The following HDAC9 variants were observed in gnomAD, a reference collection of about 807,000 sequenced individuals.
HDAC9 encodes the protein MEF-2 interacting transcription repressor (MITR) protein.
In HDAC9, 41 loss-of-function variants were observed where a neutral mutation model predicts 139.4. The ratio of observed to expected loss-of-function variants is 0.29; its 90% CI spans 0.23 to 0.38. HDAC9 has a LOEUF of 0.38. Ranked by LOEUF, HDAC9 falls within the 10% of genes least tolerant of loss-of-function variation. The pLI is 1.00. For synonymous variants in HDAC9, 517 were observed against 476.2 expected, an observed-to-expected ratio of 1.09 and a Z score of -1.12; for missense variants, 1,147 against 1,297.0, an observed-to-expected ratio of 0.88 and a Z score of 1.78.
intron 1 of HDAC9, among the ~76,000 whole-genome samples, chr7:18,419,762 A>C (rs1387653491): frequency 6.6e-6 from 1 of 152,144 alleles, no homozygotes; most frequent in Non-Finnish European, 1.5e-5. Context: ...TTTGCTTAAG[A>C]TCTCCTAAAA....
At chr7:18,950,940 C>T (rs1585391093) in intron 23 of HDAC9, among the ~76,000 whole-genome samples, 1 of 152,114 alleles carries the variant, frequency 6.6e-6, no homozygotes, top group African/African-American at 2.4e-5. Flanking sequence ...CATCCATCCT[C>T]ACACACCTGT....
intron 1 of HDAC9, among the ~76,000 whole-genome samples, chr7:18,298,552 A>G (rs539728425): frequency 6.6e-5 from 10 of 151,816 alleles, no homozygotes; most frequent in African/African-American, 1.9e-4. Flanking sequence ...TTTTGTTCTT[A>G]TGATAGTTTA....
At chr7:18,204,950 C>CA (rs889855033) in intron 2 of HDAC9, among the ~76,000 whole-genome samples, 1 of 151,678 alleles carries the variant, frequency 6.6e-6, no homozygotes, top group Non-Finnish European at 1.5e-5. Flanking sequence ...TGTCATCTTT[C>CA]AAAAAAATAT....
chr7:18,278,289 C>A (rs1392549994), intron 2 of HDAC9, among the ~76,000 whole-genome samples: 2 of 152,118 alleles, frequency 1.3e-5, no homozygotes, highest in African/African-American at 4.8e-5. Flanking sequence ...CTAGAGTCTG[C>A]CTAAACAGTT....
intron 1 of HDAC9, among the ~76,000 whole-genome samples, chr7:18,438,026 T>G (rs1791376629): frequency 6.6e-6 from 1 of 151,496 alleles, no homozygotes; most frequent in Non-Finnish European, 1.5e-5. Flanking sequence ...CTTGGACATC[T>G]TTATAACATG....
upstream of HDAC9, among the ~76,000 whole-genome samples, chr7:18,493,074 T>A (rs575547108): frequency 1.3e-5 from 2 of 152,014 alleles, no homozygotes; most frequent in Non-Finnish European, 2.9e-5. Context: ...TTATGTGGAA[T>A]GCCCTTTCCT....
rs571474604 is a variant in HDAC9 at position 18,927,313 on chromosome 7, G to C, written c.2804-8496G>C. 3.0e-4 allele frequency among the ~76,000 whole-genome samples: 46 copies of C among 152,218 alleles called. 2 individuals carry two copies. In the South Asian group the frequency reaches 9.5e-3, roughly 32 times the overall value. ...TCTTAAAAAGGTATTTCTGTGGAAA[G>C]CATTCCTCCCATCTGCAACAATCAG... On this transcript the variant is annotated intron_variant, in intron 22 of 25. Transcript: ENST00000686413.
chr7:18,279,726 A>G (rs911312523), intron 2 of HDAC9, among the ~76,000 whole-genome samples: 2 of 152,062 alleles, frequency 1.3e-5, no homozygotes, highest in African/African-American at 2.4e-5. Context: ...GACCCCCCAA[A>G]GTACTGGGAT....
exon 2 of HDAC9, chr7:18,162,312 C>G (rs1341442470): frequency 6.5e-7 from 1 of 1,535,074 alleles, no homozygotes; most frequent in South Asian, 1.2e-5. Flanking sequence ...TCTTAGCAGT[C>G]CCTCTGATTC....
rs755762435 is a variant in HDAC9 at position 18,999,948 on chromosome 7, A to G, written c.*3886A>G. The G allele has an allele frequency of 2.6e-5, 4 of 152,198 alleles. No homozygotes were observed. The South Asian group carries it at 8.3e-4, about 31-fold the overall frequency. 9.4% of individuals were successfully genotyped at this position (152,198 alleles called of 1,614,324 possible). ...GACTCTGTCAGTGTTTGACATTGTC[A>G]TTTCTAGTGGCATGTATCTTAACAT... On this transcript the variant is annotated 3_prime_UTR_variant, in exon 26 of 26. Transcript: ENST00000686413.
At chr7:18,845,443 G>A (rs1285786460) in intron 21 of HDAC9, among the ~76,000 whole-genome samples, 1 of 152,056 alleles carries the variant, frequency 6.6e-6, no homozygotes, top group Non-Finnish European at 1.5e-5. Context: ...TAATAACTTT[G>A]GAGAATTGTA....
At chr7:18,425,703 C>G (rs1161236638) in intron 1 of HDAC9, among the ~76,000 whole-genome samples, 2 of 152,160 alleles carry the variant, frequency 1.3e-5, no homozygotes, top group Non-Finnish European at 2.9e-5. Context: ...GAAATACTCA[C>G]TGTACATTAC....
chr7:18,598,785 A>C (rs1263814220), intron 6 of HDAC9, among the ~76,000 whole-genome samples: 2 of 152,146 alleles, frequency 1.3e-5, no homozygotes, highest in Non-Finnish European at 2.9e-5. Context: ...GGTGATCAAT[A>C]TTTTCTTTTT....
chr7:18,326,722 A>C (rs1392501914), intron 1 of HDAC9, among the ~76,000 whole-genome samples: 5 of 151,984 alleles, frequency 3.3e-5, no homozygotes, highest in African/African-American at 7.2e-5. Context: ...TGTTTACTGC[A>C]TGGGCTATGT....
At chr7:18,236,458 A>T (rs1562778661) in intron 2 of HDAC9, among the ~76,000 whole-genome samples, 1 of 152,156 alleles carries the variant, frequency 6.6e-6, no homozygotes, top group Non-Finnish European at 1.5e-5. Flanking sequence ...CACTAATTAG[A>T]TTGCATTTAC....
At chr7:18,561,764 A>G (rs1281296306) in intron 2 of HDAC9, among the ~76,000 whole-genome samples, 3 of 152,232 alleles carry the variant, frequency 2.0e-5, no homozygotes, top group Admixed American at 1.3e-4. Flanking sequence ...ATATTGTAGC[A>G]TGTAACTCAG....
intron 1 of HDAC9, among the ~76,000 whole-genome samples, chr7:18,463,472 G>A (rs965471692): frequency 1.3e-5 from 2 of 151,710 alleles, no homozygotes; most frequent in African/African-American, 4.8e-5. Context: ...TGTATGTTTG[G>A]CTAGTCCCTT....
At chr7:18,321,745 A>G (rs771555060) in intron 1 of HDAC9, among the ~76,000 whole-genome samples, 1 of 152,098 alleles carries the variant, frequency 6.6e-6, no homozygotes, top group Admixed American at 6.6e-5. Flanking sequence ...GTTCCAATCA[A>G]ATTGTATAGT....
At chr7:18,215,904 TAAAG>T (rs1025702359) in intron 2 of HDAC9, among the ~76,000 whole-genome samples, 44 of 152,262 alleles carry the variant, frequency 2.9e-4, no homozygotes, top group Admixed American at 1.1e-3. Context: ...ACATTTCTCA[TAAAG>T]AAAGAAGTCA....
Sources: allele counts gnomAD v4.1 joint callset (sites outside exome capture counted in the v4.1 genomes callset), GRCh38; gene constraint gnomAD v4.1.1; transcripts MANE v1.5; gene names NCBI Gene and HGNC (gene_info 2026-07-23, HGNC 2026-07-21).